Variants in ARHGEF28 observed in about 807,000 individuals in gnomAD.
ARHGEF28 encodes 190 kDa guanine nucleotide exchange factor.
Under a neutral mutation model 206.6 loss-of-function variants are expected in ARHGEF28, and 152 were observed. The observed-to-expected ratio is 0.74, with a 90% CI of 0.64 to 0.84. The LOEUF (loss-of-function observed/expected upper bound fraction) is 0.84, where lower values mean the gene tolerates loss of function less well. ARHGEF28 is among the 40% of genes least tolerant of loss of function. The probability of loss-of-function intolerance (pLI) is 0.00; values close to 1 mark genes in which losing one functional copy is unlikely to be tolerated. For missense variants in ARHGEF28, 2,028 were observed against 2,073.2 expected, an observed-to-expected ratio of 0.98 and a Z score of 0.42; for synonymous variants, 763 against 776.4, an observed-to-expected ratio of 0.98 and a Z score of 0.29.
At chr5:73,749,479 C>G (rs1461972343) in intron 2 of ARHGEF28, among the ~76,000 whole-genome samples, 1 of 152,242 alleles carries the variant, frequency 6.6e-6, no homozygotes, top group South Asian at 2.1e-4. Flanking sequence ...CCAGCCTGGG[C>G]AACATAGTGA....
chr5:73,841,443 C>T (rs199734328), intron 11 of ARHGEF28, among the ~76,000 whole-genome samples: 5 of 152,196 alleles, frequency 3.3e-5, no homozygotes, highest in South Asian at 4.1e-4. Context: ...TGGTGGCTCA[C>T]GCCTGTAATT....
At chr5:73,880,225 C>T (rs1760826472) in intron 22 of ARHGEF28, among the ~76,000 whole-genome samples, 1 of 152,202 alleles carries the variant, frequency 6.6e-6, no homozygotes, top group African/African-American at 2.4e-5. Context: ...GTAGGACCCT[C>T]CGAGCCAGGT....
At chr5:73,735,945 C>T (rs1039108954) in intron 2 of ARHGEF28, among the ~76,000 whole-genome samples, 1 of 152,166 alleles carries the variant, frequency 6.6e-6, no homozygotes, top group Admixed American at 6.5e-5. Context: ...ACTCCCTCTC[C>T]CATCCATACA....
intron 35 of ARHGEF28, among the ~76,000 whole-genome samples, chr5:73,925,483 C>T (rs550503399): frequency 1.2e-4 from 18 of 152,308 alleles, no homozygotes; most frequent in Non-Finnish European, 8.8e-5. Flanking sequence ...TTGCTTTATG[C>T]AGTTTATTTA....
chr5:73,736,717 C>G (rs1750957090), intron 2 of ARHGEF28, among the ~76,000 whole-genome samples: 1 of 152,080 alleles, frequency 6.6e-6, no homozygotes, highest in Non-Finnish European at 1.5e-5. Context: ...CCCTTTATAA[C>G]TGAGATTGCT....
At chr5:73,875,090 G>A (rs981658976) in intron 22 of ARHGEF28, among the ~76,000 whole-genome samples, 2 of 148,532 alleles carry the variant, frequency 1.3e-5, no homozygotes, top group South Asian at 2.1e-4. Context: ...GTTGTTTCCT[G>A]ACTTTTTAAT....
intron 35 of ARHGEF28, among the ~76,000 whole-genome samples, chr5:73,919,344 A>G (rs189556204): frequency 5.3e-5 from 8 of 152,352 alleles, no homozygotes; most frequent in Non-Finnish European, 1.0e-4. Flanking sequence ...TTCCATATCA[A>G]TCTCAGAGGA....
Position 73,904,338 on chromosome 5 carries a change from C to A in ARHGEF28, c.4114-20C>A. The A allele has an allele frequency of 1.2e-6, 2 of 1,613,218 alleles. No homozygotes were observed. Among genetic ancestry groups the A allele is most frequent in the South Asian group, 2.2e-5 (2 of 90,940 alleles). On this transcript the variant is annotated intron_variant, in intron 32 of 35. Coordinates refer to ENST00000513042, the MANE Select transcript of ARHGEF28 (RefSeq NM_001177693.2). ...TGAAAGCTTTTTCAAGAATTTGACA[C>A]TTACAATTTTGTTTTTCAGATTATA... is the stretch of plus-strand genomic sequence containing the variant.
chr5:73,796,342 G>C (rs572787375), intron 9 of ARHGEF28, among the ~76,000 whole-genome samples: 1 of 152,330 alleles, frequency 6.6e-6, no homozygotes, highest in Non-Finnish European at 1.5e-5. Flanking sequence ...GAAGTTGCAA[G>C]GGGTGAGGTG....
chr5:73,678,901 G>T (rs1230784699), intron 1 of ARHGEF28, among the ~76,000 whole-genome samples: 1 of 152,072 alleles, frequency 6.6e-6, no homozygotes, highest in Admixed American at 6.6e-5. Flanking sequence ...TTTGACTAGG[G>T]ACAGGGTCTG....
chr5:73,720,503 C>T (rs1011878615), intron 2 of ARHGEF28, among the ~76,000 whole-genome samples: 17 of 151,976 alleles, frequency 1.1e-4, no homozygotes, highest in Admixed American at 7.9e-4. Context: ...CCAGGGATTT[C>T]AGAGGTGAGA....
chr5:73,801,433 C>A (rs2973544), intron 9 of ARHGEF28, among the ~76,000 whole-genome samples: 1 of 151,250 alleles, frequency 6.6e-6, no homozygotes, highest in Non-Finnish European at 1.5e-5. Context: ...GGCAACAGAG[C>A]GAGACTCCAT....
At chr5:73,650,425 C>T (rs1259458818) in intron 1 of ARHGEF28, among the ~76,000 whole-genome samples, 1 of 151,698 alleles carries the variant, frequency 6.6e-6, no homozygotes, top group Non-Finnish European at 1.5e-5. Flanking sequence ...GCTGGGACTA[C>T]AGGCGCATGC....
chr5:73,654,731 T>C (rs1362660455), intron 1 of ARHGEF28, among the ~76,000 whole-genome samples: 5 of 152,240 alleles, frequency 3.3e-5, no homozygotes, highest in African/African-American at 1.2e-4. Context: ...CAGTCATCTC[T>C]TTCATCCAGA....
chr5:73,718,743 C>T (rs1351836533), intron 2 of ARHGEF28, among the ~76,000 whole-genome samples: 1 of 152,208 alleles, frequency 6.6e-6, no homozygotes, highest in East Asian at 1.9e-4. Context: ...AATCACTCTA[C>T]TCCTGAGGGA....
intron 22 of ARHGEF28, among the ~76,000 whole-genome samples, 167 bp downstream of exon 22, chr5:73,873,413 T>A (rs1467918584): frequency 6.6e-6 from 1 of 152,118 alleles, no homozygotes; most frequent in African/African-American, 2.4e-5. Flanking sequence ...AAGGCAGGGA[T>A]TCTTGGCTAT....
At chr5:73,891,944 A>G in intron 26 of ARHGEF28, 108 bp from the exon 27 acceptor site, 1 of 949,944 alleles carries the variant, frequency 1.1e-6, no homozygotes, top group African/African-American at 1.7e-5. Flanking sequence ...AAAGATTGGA[A>G]GTGGAGAAAG....
At chr5:73,752,836 G>T in intron 3 of ARHGEF28, 73 bp from the exon 4 acceptor site, 2 of 1,543,204 alleles carry the variant, frequency 1.3e-6, no homozygotes, top group South Asian at 1.2e-5. Context: ...ATGTGGTGGG[G>T]CTAGCACATT....
chr5:73,835,305 C>T (rs1757556750), intron 10 of ARHGEF28: 1 of 152,036 alleles, frequency 6.6e-6, no homozygotes, highest in South Asian at 2.1e-4. Context: ...CCTGTCTCTA[C>T]TAAAAATACA....
Sources: allele counts gnomAD v4.1 joint callset (sites outside exome capture counted in the v4.1 genomes callset), GRCh38; gene constraint gnomAD v4.1.1; transcripts MANE v1.5; gene names NCBI Gene and HGNC (gene_info 2026-07-23, HGNC 2026-07-21).